Variants in GLUD1 observed in about 807,000 individuals in gnomAD.
GLUD1 encodes glutamate dehydrogenase 1, mitochondrial.
Under a neutral mutation model 56.0 loss-of-function variants are expected in GLUD1, and 22 were observed. The observed-to-expected ratio is 0.39, with a 90% CI of 0.28 to 0.56. GLUD1 has a LOEUF of 0.56. GLUD1 is among the 20% of genes least tolerant of loss of function. The pLI, the probability that GLUD1 is intolerant of heterozygous loss-of-function variation, is 0.58. For missense variants in GLUD1, 451 were observed against 732.0 expected, an observed-to-expected ratio of 0.62 and a Z score of 4.43; for synonymous variants, 223 against 269.9, an observed-to-expected ratio of 0.83 and a Z score of 1.70.
chr10:87,068,022 C>G, intron 5 of GLUD1, 41 bp downstream of exon 5: 1 of 1,139,544 alleles, frequency 8.8e-7, no homozygotes, highest in Non-Finnish European at 1.3e-6. Context: ...TTCTTGTAGA[C>G]AGCAAATGCA....
At position 87,094,058 on chromosome 10, in the gene GLUD1, GT is replaced by G; in HGVS notation, c.445+266del. The G allele has an allele frequency of 6.6e-7, 1 of 1,510,704 alleles. No individual in the cohort carries two copies. Among genetic ancestry groups the G allele is most frequent in the Non-Finnish European group, 8.8e-7 (1 of 1,131,124 alleles). 93.6% of individuals were successfully genotyped at this position (1,510,704 alleles called of 1,614,324 possible). On this transcript the variant is annotated intron_variant, in intron 1 of 12. Coordinates refer to ENST00000277865, the MANE Select transcript of GLUD1 (RefSeq NM_005271.5). This position sits in a 1 kb window ranked among gnomAD's most constrained non-coding sequence, Gnocchi z 6.6. ...GGGACCAAAAGGAGACCGGTGCAGC[GT>G]CTACTCTGCATGCAAGATCAGCATA...
At chr10:87,062,436 TA>T (rs1338057554) in intron 6 of GLUD1, among the ~76,000 whole-genome samples, 1 of 152,324 alleles carries the variant, frequency 6.6e-6, no homozygotes, top group East Asian at 1.9e-4. Context: ...TTGAAGTTGG[TA>T]ACAGTTTCAC....
intron 1 of GLUD1, among the ~76,000 whole-genome samples, chr10:87,086,592 G>A (rs1425072474): frequency 6.6e-6 from 1 of 151,920 alleles, no homozygotes; most frequent in African/African-American, 2.4e-5. Flanking sequence ...GGGAGGCCGA[G>A]GCGGGCGGAT....
rs1427712411 is a variant in GLUD1 at position 87,068,183 on chromosome 10, T to C, written c.647-26A>G. On this transcript the variant is annotated intron_variant, in intron 4 of 12. Coordinates refer to ENST00000277865, the MANE Select transcript of GLUD1 (RefSeq NM_005271.5). Reference sequence around the variant, plus strand: ...CTGCGGGGGCACAGGGAAAGAGGAGTGCACCAGTTTTTAAGAAAAATTCTT... The same window carrying C: ...CTGCGGGGGCACAGGGAAAGAGGAGCGCACCAGTTTTTAAGAAAAATTCTT... 4.9e-6 allele frequency: 7 copies of C among 1,425,324 alleles called. No individual in the cohort carries two copies. The South Asian group carries it at 5.7e-5, about 12-fold the overall frequency. 88.3% of individuals were successfully genotyped at this position (1,425,324 alleles called of 1,614,324 possible). A position where few individuals can be genotyped will look rare whatever the true frequency, so the allele number is the denominator to read the frequency against.
At chr10:87,079,267 T>C (rs1841138654) in intron 1 of GLUD1, among the ~76,000 whole-genome samples, 1 of 149,018 alleles carries the variant, frequency 6.7e-6, no homozygotes, top group South Asian at 2.1e-4. Flanking sequence ...GAATCATTTG[T>C]ATCTTAAAAA....
At chr10:87,080,998 C>T (rs1159651086) in intron 1 of GLUD1, among the ~76,000 whole-genome samples, 13 of 139,584 alleles carry the variant, frequency 9.3e-5, no homozygotes, top group Non-Finnish European at 1.3e-4. Flanking sequence ...CCCGGCCAGC[C>T]GCCCCGTCCG....
intron 11 of GLUD1, among the ~76,000 whole-genome samples, chr10:87,057,462 C>T (rs1184505360): frequency 1.3e-5 from 2 of 152,120 alleles, no homozygotes; most frequent in Admixed American, 6.5e-5. Context: ...AAAACACGTG[C>T]GTGAAAAATA....
chr10:87,079,936 C>CTCTCCCTCTCCCCACGG (rs1231248969), intron 1 of GLUD1, among the ~76,000 whole-genome samples: 67 of 134,930 alleles, frequency 5.0e-4, no homozygotes, highest in South Asian at 3.7e-3. Context: ...CCCCCTCTCC[C>CTCTCCCTCTCCCCACGG]TCTCCCTCTC....
intron 4 of GLUD1, among the ~76,000 whole-genome samples, chr10:87,069,838 A>G (rs1846182892): frequency 7.3e-6 from 1 of 136,090 alleles, no homozygotes; most frequent in South Asian, 2.4e-4. Context: ...TCACCTTAAA[A>G]ATCTCATGAA....
At chr10:87,074,954 T>G (rs1392710316) in intron 3 of GLUD1, among the ~76,000 whole-genome samples, 5 of 152,220 alleles carry the variant, frequency 3.3e-5, no homozygotes. Flanking sequence ...GCATTTATGT[T>G]TGTATATAGA....
intron 1 of GLUD1, among the ~76,000 whole-genome samples, chr10:87,087,259 C>G (rs571191950): frequency 2.0e-5 from 3 of 152,286 alleles, no homozygotes; most frequent in African/African-American, 2.4e-5. Flanking sequence ...GCTTCTGTTC[C>G]CCTGGAATTT....
chr10:87,061,789 T>C (rs895912709), intron 6 of GLUD1, among the ~76,000 whole-genome samples: 1 of 151,300 alleles, frequency 6.6e-6, no homozygotes, highest in African/African-American at 2.4e-5. Context: ...CTAATTTTTC[T>C]TTCTTTTTTT....
intron 4 of GLUD1, among the ~76,000 whole-genome samples, chr10:87,073,292 C>T (rs984420305): frequency 1.1e-4 from 16 of 152,180 alleles, no homozygotes; most frequent in African/African-American, 3.9e-4. Flanking sequence ...TAGTTGGGAC[C>T]ACAGGCATGC....
intron 5 of GLUD1, among the ~76,000 whole-genome samples, chr10:87,065,765 G>A (rs1214100634): frequency 1.3e-5 from 2 of 152,160 alleles, no homozygotes; most frequent in African/African-American, 2.4e-5. Flanking sequence ...GCTATGTACA[G>A]TTCTAGGTGC....
chr10:87,053,282 G>T, intron 12 of GLUD1, 60 bp downstream of exon 12: 1 of 1,068,490 alleles, frequency 9.4e-7, no homozygotes, highest in Non-Finnish European at 1.5e-6. Context: ...GGCTGAGATA[G>T]CATGGTTGAG....
intron 1 of GLUD1, among the ~76,000 whole-genome samples, chr10:87,082,087 A>C (rs1841273924): frequency 6.6e-6 from 1 of 152,218 alleles, no homozygotes; most frequent in Admixed American, 6.5e-5. Flanking sequence ...AAGTGGAGGA[A>C]ATGTTACTTT....
In GLUD1 at chr10:87,056,619, C is replaced by T. The variant is rs146480016; in HGVS notation, c.1494+1072G>A. 2.4e-4 allele frequency among the ~76,000 whole-genome samples: 36 copies of T among 152,158 alleles called. 1 individual carries two copies. Among genetic ancestry groups the T allele is most frequent in the Admixed American group, 1.7e-3 (26 of 15,294 alleles). ...CTACACATAGTTTCAATAACATCAT[C>T]GTGCATGGAGTGGTTCCTCCTCTTT... On this transcript the variant is annotated intron_variant, in intron 11 of 12. Coordinates refer to ENST00000277865, the MANE Select transcript of GLUD1 (RefSeq NM_005271.5).
chr10:87,071,722 G>C (rs1002061345), intron 4 of GLUD1, among the ~76,000 whole-genome samples: 1 of 152,202 alleles, frequency 6.6e-6, no homozygotes, highest in African/African-American at 2.4e-5. Flanking sequence ...TCCAAAAGCA[G>C]AAGAGGAAGG....
chr10:87,082,779 C>T (rs1054410469), intron 1 of GLUD1, among the ~76,000 whole-genome samples: 8 of 152,198 alleles, frequency 5.3e-5, no homozygotes, highest in Admixed American at 5.2e-4. Context: ...TAATAAAATA[C>T]TCTGCAGCAA....
Sources: allele counts gnomAD v4.1 joint callset (sites outside exome capture counted in the v4.1 genomes callset), GRCh38; gene constraint gnomAD v4.1.1; non-coding constraint Gnocchi (gnomAD v3.1); transcripts MANE v1.5; gene names NCBI Gene and HGNC (gene_info 2026-07-23, HGNC 2026-07-21).